Variants in DLD observed in about 807,000 individuals in gnomAD.
DLD encodes dihydrolipoamide dehydrogenase.
DLD carries 36 observed loss-of-function variants against 62.2 expected under a neutral mutation model. The observed-to-expected ratio is 0.58, with a 90% confidence interval of 0.44 to 0.76. DLD has a LOEUF of 0.76. Ranked by LOEUF, DLD falls within the 30% of genes least tolerant of loss-of-function variation. The probability of loss-of-function intolerance (pLI) is 0.00; values close to 1 mark genes in which losing one functional copy is unlikely to be tolerated. For synonymous variants in DLD, 204 were observed against 199.6 expected (o/e 1.02, Z -0.19); for missense variants, 541 against 608.6 (o/e 0.89, Z 1.17).
At chr7:107,906,451 A>C (rs376157824) in intron 8 of DLD, 83 bp downstream of exon 8, 2 of 847,672 alleles carry the variant, frequency 2.4e-6, no homozygotes, top group Admixed American at 3.6e-5. Context: ...TTTGTATAAC[A>C]TTACAGGCTG....
rs779034272 is a variant in DLD at position 107,905,555 on chromosome 7, G to T, written c.582+51G>T. On this transcript the variant is annotated intron_variant, in intron 7 of 13. Coordinates refer to ENST00000205402, the MANE Select transcript of DLD (RefSeq NM_000108.5). ...CATTACAACTTTTCTTTAGAAATAC[G>T]TTTTATAAGTTATTTATGCTATTTG... The T allele has an allele frequency of 1.9e-6, 3 of 1,558,474 alleles. No homozygotes were observed. The East Asian group carries it at 6.7e-5, about 35-fold the overall frequency.
In DLD at chr7:107,918,808, T is replaced by A. The variant is rs77003787; in HGVS notation, c.1375-202T>A. Among the ~76,000 whole-genome samples the A allele has an allele frequency of 7.8e-3, 1,193 of 152,334 alleles. 19 individuals are homozygous for A. Among genetic ancestry groups the A allele is most frequent in the African/African-American group, 0.026 (1,089 of 41,568 alleles). Reference sequence around the variant, plus strand: ...TGGTTAAGGTAGTAAGTGGTAGATATGAATTGAAGGCCCTTTGGCTCCAGA... The same window carrying A: ...TGGTTAAGGTAGTAAGTGGTAGATAAGAATTGAAGGCCCTTTGGCTCCAGA... On this transcript the variant is annotated intron_variant, in intron 12 of 13. Coordinates refer to ENST00000205402, the MANE Select transcript of DLD (RefSeq NM_000108.5).
At chr7:107,902,444 C>T in intron 4 of DLD, 51 bp downstream of exon 4, 1 of 1,485,094 alleles carries the variant, frequency 6.7e-7, no homozygotes, top group Non-Finnish European at 9.4e-7. Flanking sequence ...TAGCAACCAA[C>T]TAGAAGGATG....
chr7:107,893,161 A>G, intron 1 of DLD, 39 bp from the exon 2 acceptor site: 1 of 1,557,946 alleles, frequency 6.4e-7, no homozygotes. Flanking sequence ...TATGTTTTGA[A>G]TTCATATCTT....
At chr7:107,918,497 C>G (rs1202074511) in intron 12 of DLD, among the ~76,000 whole-genome samples, 1 of 152,188 alleles carries the variant, frequency 6.6e-6, no homozygotes, top group African/African-American at 2.4e-5. Context: ...TTAAGATACC[C>G]TCTGCTTAGA....
chr7:107,907,373 G>A (rs1469558834), intron 8 of DLD, among the ~76,000 whole-genome samples: 1 of 152,082 alleles, frequency 6.6e-6, no homozygotes, highest in African/African-American at 2.4e-5. Context: ...ACACTGCCCT[G>A]GTCTCTGCAA....
chr7:107,900,426 C>T (rs750809480), intron 2 of DLD, among the ~76,000 whole-genome samples: 1 of 152,044 alleles, frequency 6.6e-6, no homozygotes, highest in East Asian at 1.9e-4. Flanking sequence ...TATTTACATA[C>T]ATTATTTTAT....
rs1451045586 is a variant in DLD, at chr7:107,918,014, G to A, written c.1327G>A (p.Gly443Arg). ...ADTDGMVKIL[G>R]QKSTDRVLGA... ...CACAGATGGCATGGTGAAGATCCTT[G>A]GGCAGAAATCGACAGACAGAGTACT... Residue 443 changes from glycine (G) to arginine (R), a missense_variant, in exon 12 of 14, where the codon GGG becomes AGG. Coordinates refer to ENST00000205402, the MANE Select transcript of DLD (RefSeq NM_000108.5). 1 of 1,613,908 alleles carries A rather than the reference G, an allele frequency of 6.2e-7. No individual in the cohort carries two copies. The highest frequency in any genetic ancestry group is 2.2e-5 in the East Asian group (1 of 44,898).
Position 107,898,148 on chromosome 7 carries a change from A to T in DLD, c.119-3590A>T, listed in dbSNP as rs112533736. ...ACCTGGTAGGAGCACACATTTCAGAATCTAAAGGACCTTGTTTGAATCACT... is the reference window on the plus strand; with the variant it reads ...ACCTGGTAGGAGCACACATTTCAGATTCTAAAGGACCTTGTTTGAATCACT... On this transcript the variant is annotated intron_variant, in intron 2 of 13. Transcript: ENST00000205402. Among the ~76,000 whole-genome samples, 1,385 of 152,204 alleles carry T rather than the reference A, an allele frequency of 9.1e-3. 19 individuals carry two copies. The highest frequency in any genetic ancestry group is 0.032 in the African/African-American group (1,316 of 41,526).
At chr7:107,911,048 T>A (rs1210872409) in intron 8 of DLD, among the ~76,000 whole-genome samples, 4 of 152,250 alleles carry the variant, frequency 2.6e-5, no homozygotes, top group Middle Eastern at 3.4e-3. Flanking sequence ...AATTCAAAGG[T>A]TTTTAGTATA....
At position 107,915,637 on chromosome 7, in the gene DLD, T is replaced by C. The variant is rs1282507550; in HGVS notation, c.816T>C (p.Phe272=). 1 of 1,613,838 alleles carries C rather than the reference T, an allele frequency of 6.2e-7. No homozygotes were observed. Among genetic ancestry groups the C allele is most frequent in the Non-Finnish European group, 8.5e-7 (1 of 1,179,866 alleles). The change falls in exon 9 of 14, where the codon TTT becomes TTC. Residue 272 remains phenylalanine, a synonymous_variant. Transcript: ENST00000205402. ...TCCTTCAAAAACAGGGGTTTAAATT[T>C]AAATTGAATACAAAGGTTACTGGTG... ...QRILQKQGFK[F]KLNTKVTGAT... is the part of the protein sequence containing the mutation.
chr7:107,904,669 A>G (rs1366861124), intron 5 of DLD: 2 of 512,008 alleles, frequency 3.9e-6, no homozygotes, highest in Admixed American at 4.6e-5. Flanking sequence ...CCAGACTTAT[A>G]ACCATCGTAA....
intron 9 of DLD, among the ~76,000 whole-genome samples, 187 bp downstream of exon 9, chr7:107,915,883 A>G (rs2032257039): frequency 6.6e-6 from 1 of 152,194 alleles, no homozygotes; most frequent in Non-Finnish European, 1.5e-5. Flanking sequence ...GGTTAATGCT[A>G]GAAAGAGAAT....
At chr7:107,907,482 A>G (rs1202688874) in intron 8 of DLD, among the ~76,000 whole-genome samples, 1 of 152,194 alleles carries the variant, frequency 6.6e-6, no homozygotes, top group African/African-American at 2.4e-5. Context: ...TAAAAGAGAA[A>G]TCAGATGAGA....
At position 107,916,392 on chromosome 7, in the gene DLD, C is replaced by T. The variant is rs10271641; in HGVS notation, c.876-402C>T. Among the ~76,000 whole-genome samples, 396 of 152,134 alleles carry T rather than the reference C, an allele frequency of 2.6e-3. 3 individuals are homozygous for T. Among genetic ancestry groups the T allele is most frequent in the African/African-American group, 9.1e-3 (377 of 41,506 alleles). On this transcript the variant is annotated intron_variant, in intron 9 of 13. Coordinates refer to ENST00000205402, the MANE Select transcript of DLD (RefSeq NM_000108.5). ...ATATTGTTAAAAATGTCATCAGTGC[C>T]GGCTGGGCATGGTGGCTCACACCTG...
At position 107,902,326 on chromosome 7, in the gene DLD, C is replaced by T. The variant is rs1323919201; in HGVS notation, c.200C>T (p.Thr67Ile). Residue 67 changes from threonine (T) to isoleucine (I), a missense_variant and splice_region_variant, in exon 4 of 14, where the codon ACA (threonine) becomes ATA (isoleucine). Transcript: ENST00000205402. Reference sequence around the variant, plus strand: ...AAATAATGTTTTCTTTGGTTGTAGACAGTCTGCATTGAGAAAAATGAAACA... The same window carrying T: ...AAATAATGTTTTCTTTGGTTGTAGATAGTCTGCATTGAGAAAAATGAAACA... Reference protein sequence around the residue: ...AIKAAQLGFKTVCIEKNETLG... With the variant: ...AIKAAQLGFKIVCIEKNETLG... 6.2e-7 allele frequency: 1 copy of T among 1,613,066 alleles called. No individual in the cohort carries two copies. The highest frequency in any genetic ancestry group is 8.5e-7 in the Non-Finnish European group (1 of 1,179,300).
At chr7:107,891,402 G>C (rs551984625) in intron 1 of DLD, 113 bp downstream of exon 1, 10 of 1,202,732 alleles carry the variant, frequency 8.3e-6, no homozygotes, top group Non-Finnish European at 1.1e-5. Flanking sequence ...CGCCTGGGCC[G>C]CACCACCCCT....
At chr7:107,908,308 G>A (rs956278636) in intron 8 of DLD, among the ~76,000 whole-genome samples, 2 of 151,530 alleles carry the variant, frequency 1.3e-5, no homozygotes, top group African/African-American at 4.8e-5. Context: ...CCGCCAGCAC[G>A]CCCGGCTAAT....
chr7:107,900,055 C>T (rs190650985), intron 2 of DLD, among the ~76,000 whole-genome samples: 17 of 152,084 alleles, frequency 1.1e-4, no homozygotes, highest in Admixed American at 1.1e-3. Context: ...CTAAAAAGCA[C>T]AGATGGATCA....
Sources: allele counts gnomAD v4.1 joint callset (sites outside exome capture counted in the v4.1 genomes callset), GRCh38; gene constraint gnomAD v4.1.1; transcripts MANE v1.5; gene names NCBI Gene and HGNC (gene_info 2026-07-23, HGNC 2026-07-21).